Variants in ARID2 observed in about 807,000 individuals in gnomAD.
ARID2 encodes AT-rich interaction domain 2, also known as AT-rich interactive domain-containing protein 2.
A neutral mutation model predicts 184.6 loss-of-function variants in ARID2; 32 were observed. That is an observed-to-expected ratio of 0.17 (90% CI 0.13 to 0.23). The LOEUF is 0.23. Ranked by LOEUF, ARID2 falls within the 10% of genes least tolerant of loss-of-function variation. The pLI is 1.00. For synonymous variants in ARID2, 836 were observed against 772.6 expected (o/e 1.08, Z -1.36); for missense variants, 1,696 against 2,197.6 (o/e 0.77, Z 4.56).
chr12:45,869,934 A>G (rs531227735), intron 16 of ARID2, among the ~76,000 whole-genome samples: 7 of 152,282 alleles, frequency 4.6e-5, no homozygotes, highest in South Asian at 2.1e-4. Context: ...TTTCAGCACA[A>G]TTGCACAATA....
At chr12:45,849,073 T>C in intron 13 of ARID2, 103 bp downstream of exon 13, 1 of 1,350,300 alleles carries the variant, frequency 7.4e-7, no homozygotes, top group Non-Finnish European at 9.9e-7. Flanking sequence ...TAAATATTTC[T>C]ACTACTAGAA....
chr12:45,730,817 G>A (rs1264048163), intron 2 of ARID2, among the ~76,000 whole-genome samples: 8 of 125,436 alleles, frequency 6.4e-5, no homozygotes, highest in African/African-American at 2.4e-4. Context: ...CCCCAGCCCC[G>A]GCCCCCCCCC....
intron 16 of ARID2, among the ~76,000 whole-genome samples, chr12:45,868,473 A>G (rs1441878377): frequency 6.6e-6 from 1 of 152,164 alleles, no homozygotes; most frequent in African/African-American, 2.4e-5. Context: ...TCATCTCTTT[A>G]TTATGTGTCC....
In ARID2 at chr12:45,904,330, T is replaced by A. The variant is rs1944493982; in HGVS notation, c.5364-604T>A. The A allele has an allele frequency of 5.6e-6, 4 of 715,866 alleles. No homozygotes were observed. The South Asian group carries it at 5.9e-5, about 11-fold the overall frequency. 44.3% of individuals were successfully genotyped at this position (715,866 alleles called of 1,614,324 possible). ...CCAGCTGTTTTCTGACACCATTTTC[T>A]AAATTTTCTAGAAACATGAATGAAG... On this transcript the variant is annotated intron_variant, in intron 20 of 20. Coordinates refer to ENST00000334344, the MANE Select transcript of ARID2 (RefSeq NM_152641.4).
chr12:45,886,807 G>A (rs1447853234), intron 16 of ARID2, among the ~76,000 whole-genome samples: 2 of 152,192 alleles, frequency 1.3e-5, no homozygotes. Flanking sequence ...TTTTAGCCAT[G>A]GCTGGAACAG....
At chr12:45,858,128 G>C (rs1943683359) in intron 15 of ARID2, among the ~76,000 whole-genome samples, 1 of 152,164 alleles carries the variant, frequency 6.6e-6, no homozygotes, top group African/African-American at 2.4e-5. Flanking sequence ...GGTTTTGAAA[G>C]TGTCTTTCCT....
chr12:45,781,057 A>G (rs1439103028), intron 3 of ARID2, among the ~76,000 whole-genome samples: 1 of 152,128 alleles, frequency 6.6e-6, no homozygotes, highest in African/African-American at 2.4e-5. Flanking sequence ...CCCCACTCCC[A>G]TAAAAACAGA....
intron 5 of ARID2, among the ~76,000 whole-genome samples, chr12:45,819,414 T>G (rs1565608119): frequency 6.6e-6 from 1 of 152,200 alleles, no homozygotes; most frequent in Non-Finnish European, 1.5e-5. Flanking sequence ...AGTTCCACAG[T>G]ACATAGGGAC....
At chr12:45,821,140 G>A (rs1942886712) in intron 5 of ARID2, among the ~76,000 whole-genome samples, 1 of 151,886 alleles carries the variant, frequency 6.6e-6, no homozygotes, top group Admixed American at 6.6e-5. Flanking sequence ...AAGCCAGTGT[G>A]GAGTAACTCT....
chr12:45,808,650 GGAGGGAC>G (rs1220903725), intron 3 of ARID2, among the ~76,000 whole-genome samples: 2 of 151,964 alleles, frequency 1.3e-5, no homozygotes, highest in Non-Finnish European at 2.9e-5. Context: ...GGGTGTTCTG[GGAGGGAC>G]GAGTTCCTGT....
At chr12:45,865,188 C>A (rs1238472477) in intron 16 of ARID2, among the ~76,000 whole-genome samples, 1 of 152,048 alleles carries the variant, frequency 6.6e-6, no homozygotes, top group Non-Finnish European at 1.5e-5. Flanking sequence ...TATACTGATT[C>A]TTGGAATTTA....
intron 4 of ARID2, among the ~76,000 whole-genome samples, chr12:45,811,881 A>ATTTTT (rs1942715923): frequency 6.6e-6 from 1 of 152,310 alleles, no homozygotes; most frequent in Admixed American, 6.5e-5. Context: ...GAGACCAAGA[A>ATTTTT]TTTTCTTATA....
At chr12:45,789,836 G>T (rs1942262664) in intron 3 of ARID2, among the ~76,000 whole-genome samples, 1 of 152,018 alleles carries the variant, frequency 6.6e-6, no homozygotes, top group Non-Finnish European at 1.5e-5. Context: ...TATTTTGAAG[G>T]CTGGGTGTAG....
rs1565622310 is a variant in ARID2 at position 45,850,373 on chromosome 12, G to T, written c.2250G>T (p.Gly750=). 6.2e-7 allele frequency: 1 copy of T among 1,614,014 alleles called. No homozygotes were observed. The highest frequency in any genetic ancestry group is 1.3e-5 in the African/African-American group (1 of 75,012). ...QSSVVQNHST[G]PQPVTVVNSQ... is the part of the protein sequence containing the mutation. ...CTGTTGTTCAGAATCATAGTACAGG[G>T]CCACAACCTGTTACAGTTGTGAATT... Residue 750 remains glycine (G), a synonymous_variant, in exon 15 of 21, where the codon GGG becomes GGT. Transcript: ENST00000334344.
Position 45,893,621 on chromosome 12 carries a change from CTTTT to C in ARID2, c.5272-7_5272-4del. The C allele has an allele frequency of 1.9e-6, 3 of 1,597,888 alleles. No homozygotes were observed. The highest frequency in any genetic ancestry group is 2.6e-6 in the Non-Finnish European group (3 of 1,175,574). ...AGATCTTTATTCTTTTTTTTCCTTT[CTTTT>C]TAAGGATGAAAAAGAGGGACCAATA... On this transcript the variant is annotated splice_region_variant and splice_polypyrimidine_tract_variant and intron_variant, in intron 19 of 20. Transcript: ENST00000334344.
chr12:45,809,162 A>G (rs555076095), intron 3 of ARID2, among the ~76,000 whole-genome samples: 3 of 152,336 alleles, frequency 2.0e-5, no homozygotes, highest in Admixed American at 6.5e-5. Context: ...TGTTATTTTG[A>G]TTAGATAACA....
chr12:45,777,461 G>T (rs1285303059), intron 3 of ARID2, among the ~76,000 whole-genome samples: 1 of 152,054 alleles, frequency 6.6e-6, no homozygotes, highest in Admixed American at 6.5e-5. Context: ...TAAATGTACA[G>T]AGCTGTGCTA....
intron 16 of ARID2, among the ~76,000 whole-genome samples, chr12:45,878,337 C>T (rs972589464): frequency 4.6e-5 from 7 of 152,124 alleles, no homozygotes; most frequent in African/African-American, 1.7e-4. Flanking sequence ...TTTTTCTTCT[C>T]TTTATGGTAT....
intron 16 of ARID2, among the ~76,000 whole-genome samples, chr12:45,873,754 C>A (rs1419531192): frequency 6.6e-6 from 1 of 152,092 alleles, no homozygotes; most frequent in Admixed American, 6.6e-5. Flanking sequence ...AAGGTACATA[C>A]CTTAATTAAA....
Sources: gnomAD v4.1 joint callset for allele counts (sites outside exome capture counted in the v4.1 genomes callset) on GRCh38, gnomAD v4.1.1 for gene constraint, MANE v1.5 for transcripts, NCBI Gene and HGNC (gene_info 2026-07-23, HGNC 2026-07-21) for gene names.